MRPS28: variants seen among roughly 807,000 people sequenced by gnomAD.
MRPS28 encodes small ribosomal subunit protein bS1m.
Under a neutral mutation model 10.8 loss-of-function variants are expected in MRPS28, and 7 were observed. The observed-to-expected ratio is 0.65, with a 90% confidence interval of 0.37 to 1.22. MRPS28 has a LOEUF of 1.22. Among genes scored for constraint, MRPS28 ranks in the 50% most tolerant of loss-of-function variants. The probability of loss-of-function intolerance (pLI) is 0.02; values close to 1 mark genes in which losing one functional copy is unlikely to be tolerated. For missense variants in MRPS28, 265 were observed against 232.9 expected, an observed-to-expected ratio of 1.14 and a Z score of -0.90; for synonymous variants, 121 against 93.3, an observed-to-expected ratio of 1.30 and a Z score of -1.71.
intron 2 of MRPS28, chr8:79,957,730 C>T (rs1205603832): frequency 6.6e-6 from 1 of 151,906 alleles, no homozygotes; most frequent in African/African-American, 2.4e-5. Context: ...AAAACAATAG[C>T]AACAACAAAC....
At chr8:79,924,191 T>C (rs1810172334) in intron 2 of MRPS28, among the ~76,000 whole-genome samples, 1 of 152,208 alleles carries the variant, frequency 6.6e-6, no homozygotes, top group African/African-American at 2.4e-5. Flanking sequence ...TCTTTTGAAA[T>C]CATTAACCAT....
chr8:79,945,833 AT>A (rs1806899844), intron 2 of MRPS28, among the ~76,000 whole-genome samples: 1 of 152,196 alleles, frequency 6.6e-6, no homozygotes, highest in Admixed American at 6.5e-5. Flanking sequence ...CATTCAAGTA[AT>A]CCTGTGCAAA....
chr8:79,952,128 C>A (rs1807094767), intron 2 of MRPS28, among the ~76,000 whole-genome samples: 1 of 152,134 alleles, frequency 6.6e-6, no homozygotes, highest in South Asian at 2.1e-4. Flanking sequence ...CCCCCTTCCT[C>A]CAAGTAGATT....
chr8:79,925,241 G>GA lies in MRPS28; in HGVS notation c.396-6094dup, dbSNP rs149399567. 3.5e-3 allele frequency among the ~76,000 whole-genome samples: 469 copies of GA among 134,812 alleles called. 2 individuals are homozygous for GA. Among genetic ancestry groups the GA allele is most frequent in the Middle Eastern group, 3.7e-3 (1 of 270 alleles). 88.4% of individuals were successfully genotyped at this position (134,812 alleles called of 152,430 possible). On this transcript the variant is annotated intron_variant, in intron 2 of 2. Coordinates refer to ENST00000276585, the MANE Select transcript of MRPS28 (RefSeq NM_014018.3). Reference sequence around the variant, plus strand: ...CCTGAGTTATTCCCAAAAGTCCTTTGAAAAAAAAAAAAACTAATGATTATC... The same window carrying GA: ...CCTGAGTTATTCCCAAAAGTCCTTTGAAAAAAAAAAAAAACTAATGATTATC...
intron 2 of MRPS28, among the ~76,000 whole-genome samples, chr8:79,994,185 A>C (rs1808436977): frequency 6.6e-6 from 1 of 152,198 alleles, no homozygotes; most frequent in Admixed American, 6.5e-5. Flanking sequence ...ACTAAAATAC[A>C]ACTTAATGAA....
chr8:79,968,596 T>C (rs941904147), intron 2 of MRPS28, among the ~76,000 whole-genome samples: 1 of 152,052 alleles, frequency 6.6e-6, no homozygotes, highest in Non-Finnish European at 1.5e-5. Flanking sequence ...CTTTCCCTTC[T>C]CAACCTTTCT....
chr8:79,951,644 C>T (rs1271344032), intron 2 of MRPS28, among the ~76,000 whole-genome samples: 1 of 152,212 alleles, frequency 6.6e-6, no homozygotes, highest in African/African-American at 2.4e-5. Context: ...CTTCACAACT[C>T]AGCATGTGAT....
At chr8:80,005,003 C>T (rs147779074) in intron 1 of MRPS28, among the ~76,000 whole-genome samples, 416 of 152,300 alleles carry the variant, frequency 2.7e-3, no homozygotes, top group Non-Finnish European at 4.6e-3. Context: ...ACCAAATCTA[C>T]GTCTGATTGG....
intron 2 of MRPS28, among the ~76,000 whole-genome samples, chr8:79,920,060 G>A (rs1408852112): frequency 8.0e-5 from 12 of 150,484 alleles, no homozygotes; most frequent in South Asian, 2.1e-4. Context: ...TTGTCCTTAC[G>A]ATAGTTTGCT....
At chr8:80,005,629 T>A (rs984865416) in intron 1 of MRPS28, among the ~76,000 whole-genome samples, 5 of 152,150 alleles carry the variant, frequency 3.3e-5, no homozygotes, top group Admixed American at 6.5e-5. Context: ...AATTCACACA[T>A]AACAATACTA....
intron 2 of MRPS28, among the ~76,000 whole-genome samples, chr8:79,945,603 T>A (rs572620000): frequency 2.6e-5 from 4 of 152,254 alleles, no homozygotes; most frequent in Admixed American, 2.6e-4. Flanking sequence ...ATACTAAATG[T>A]CACTGAATTT....
In MRPS28 at chr8:79,918,877, T is replaced by G; in HGVS notation, c.*103A>C. Reference sequence around the variant, plus strand: ...GAGTTATCTATAATTATAGCTTTTATTTATTATATCTTCATTCAATCATTT... The same window carrying G: ...GAGTTATCTATAATTATAGCTTTTAGTTATTATATCTTCATTCAATCATTT... On this transcript the variant is annotated 3_prime_UTR_variant, in exon 3 of 3. Coordinates refer to ENST00000276585, the MANE Select transcript of MRPS28 (RefSeq NM_014018.3). The G allele has an allele frequency of 1.1e-6, 1 of 944,748 alleles. No individual in the cohort carries two copies. The highest frequency in any genetic ancestry group is 1.7e-5 in the African/African-American group (1 of 58,944). 58.5% of individuals were successfully genotyped at this position (944,748 alleles called of 1,614,324 possible).
intron 2 of MRPS28, among the ~76,000 whole-genome samples, chr8:79,947,271 T>C (rs893053894): frequency 6.6e-6 from 1 of 152,200 alleles, no homozygotes; most frequent in South Asian, 2.1e-4. Context: ...CAAAAAGCCC[T>C]GTAAAGCCCT....
At chr8:79,932,419 C>T (rs957526880) in intron 2 of MRPS28, among the ~76,000 whole-genome samples, 17 of 152,194 alleles carry the variant, frequency 1.1e-4, no homozygotes, top group East Asian at 1.9e-4. Flanking sequence ...GCAGCAGCAC[C>T]GTTGGTTCAA....
At chr8:79,979,123 T>C (rs929694941) in intron 2 of MRPS28, among the ~76,000 whole-genome samples, 2 of 152,196 alleles carry the variant, frequency 1.3e-5, no homozygotes, top group African/African-American at 4.8e-5. Flanking sequence ...AGAAAAAAAC[T>C]GTACCTATCT....
At chr8:80,004,050 A>G (rs1008192969) in intron 1 of MRPS28, among the ~76,000 whole-genome samples, 2 of 152,158 alleles carry the variant, frequency 1.3e-5, no homozygotes, top group African/African-American at 4.8e-5. Context: ...TGTAGACTCC[A>G]CCTCTGGGGG....
intron 2 of MRPS28, among the ~76,000 whole-genome samples, chr8:79,940,884 A>G (rs1272176141): frequency 6.6e-6 from 1 of 152,246 alleles, no homozygotes; most frequent in Non-Finnish European, 1.5e-5. Context: ...CACATGAAAA[A>G]GCAATGAAGC....
chr8:79,977,745 A>G (rs1323342936), intron 2 of MRPS28, among the ~76,000 whole-genome samples: 1 of 152,038 alleles, frequency 6.6e-6, no homozygotes, highest in Admixed American at 6.6e-5. Context: ...TGAACCCGGG[A>G]GGCGGAGGTT....
Position 80,020,791 on chromosome 8 carries a change from G to A in MRPS28, c.213+9245C>T, listed in dbSNP as rs537339073. ...AAGACATAGGAAATTTGTGGCCAAC[G>A]AACACACATTTACAGAGCAGGCCTG... On this transcript the variant is annotated intron_variant, in intron 1 of 2. Transcript: ENST00000276585. 2.6e-5 allele frequency among the ~76,000 whole-genome samples: 4 copies of A among 152,186 alleles called. No individual in the cohort carries two copies. In the South Asian group the frequency reaches 6.2e-4, roughly 24 times the overall value.
Sources: gnomAD v4.1 joint callset for allele counts (sites outside exome capture counted in the v4.1 genomes callset) on GRCh38, gnomAD v4.1.1 for gene constraint, MANE v1.5 for transcripts, NCBI Gene and HGNC (gene_info 2026-07-23, HGNC 2026-07-21) for gene names.